Variants in ENOX1 observed in about 807,000 individuals in gnomAD.
The protein encoded by ENOX1 is candidate growth-related and time keeping constitutive hydroquinone (NADH) oxidase.
In ENOX1, 42 loss-of-function variants were observed where a neutral mutation model predicts 82.5. The observed-to-expected ratio is 0.51, with a 90% confidence interval of 0.40 to 0.66. ENOX1 has a LOEUF of 0.66. Ranked by LOEUF, ENOX1 falls within the 30% of genes least tolerant of loss-of-function variation. The probability of loss-of-function intolerance (pLI) is 0.00; values close to 1 mark genes in which losing one functional copy is unlikely to be tolerated. For missense variants in ENOX1, 608 were observed against 811.6 expected (o/e 0.75, Z 3.05); for synonymous variants, 271 against 282.2 (o/e 0.96, Z 0.40).
chr13:43,525,622 C>T (rs1231642111), intron 2 of ENOX1, among the ~76,000 whole-genome samples: 1 of 152,086 alleles, frequency 6.6e-6, no homozygotes, highest in Non-Finnish European at 1.5e-5. Flanking sequence ...GTTCCAATTT[C>T]TGTACATCCT....
At chr13:43,505,186 A>T (rs900557688) in intron 2 of ENOX1, among the ~76,000 whole-genome samples, 7 of 151,940 alleles carry the variant, frequency 4.6e-5, no homozygotes, top group African/African-American at 1.7e-4. Flanking sequence ...GGATCACATC[A>T]ACTTATTCCA....
intron 11 of ENOX1, among the ~76,000 whole-genome samples, chr13:43,309,779 T>C (rs982573881): frequency 6.6e-6 from 1 of 152,176 alleles, no homozygotes; most frequent in Non-Finnish European, 1.5e-5. Flanking sequence ...CCTCTATATA[T>C]TGAGCATGAT....
intron 5 of ENOX1, among the ~76,000 whole-genome samples, chr13:43,410,619 C>G (rs961641376): frequency 1.9e-5 from 2 of 104,292 alleles, no homozygotes; most frequent in Non-Finnish European, 4.3e-5. Flanking sequence ...TACACATACA[C>G]ACATGTACAC....
chr13:43,361,467 A>C lies in ENOX1; in HGVS notation c.209-15T>G. The C allele has an allele frequency of 6.3e-7, 1 of 1,586,908 alleles. No individual in the cohort carries two copies. The highest frequency in any genetic ancestry group is 8.5e-7 in the Non-Finnish European group (1 of 1,173,002). ...ACAGATTGAGTCTGTAAAGTATACA[A>C]GATAACATTTTGACTGGAGATTAAA... On this transcript the variant is annotated splice_polypyrimidine_tract_variant and intron_variant, in intron 5 of 16. Coordinates refer to ENST00000690772, the MANE Select transcript of ENOX1 (RefSeq NM_001347969.2).
chr13:43,568,670 G>A (rs896875383), intron 2 of ENOX1, among the ~76,000 whole-genome samples: 8 of 134,772 alleles, frequency 5.9e-5, no homozygotes, highest in Admixed American at 1.7e-4. Context: ...TATCTAGAGC[G>A]GGTCCTACAA....
intron 3 of ENOX1, among the ~76,000 whole-genome samples, chr13:43,434,123 C>T (rs972600805): frequency 4.6e-5 from 7 of 152,190 alleles, no homozygotes; most frequent in Non-Finnish European, 8.8e-5. Context: ...TTCATGCCTC[C>T]TTTACTTACC....
chr13:43,616,138 C>CTATATA (rs1364614503), intron 2 of ENOX1, among the ~76,000 whole-genome samples: 11 of 21,628 alleles, frequency 5.1e-4, no homozygotes, highest in African/African-American at 5.9e-4. Flanking sequence ...ATCTATCTAT[C>CTATATA]TAGATATCTA....
intron 1 of ENOX1, among the ~76,000 whole-genome samples, chr13:43,671,552 A>G (rs1442915748): frequency 6.6e-6 from 1 of 152,176 alleles, no homozygotes; most frequent in African/African-American, 2.4e-5. Context: ...ATACCCCATT[A>G]TTACTGAAGG....
intron 3 of ENOX1, among the ~76,000 whole-genome samples, chr13:43,443,091 T>C (rs748702018): frequency 4.6e-5 from 7 of 152,204 alleles, no homozygotes; most frequent in Non-Finnish European, 1.0e-4. Flanking sequence ...TTTATATAAA[T>C]ATTATTCACT....
chr13:43,569,804 C>A (rs1437436502), intron 2 of ENOX1, among the ~76,000 whole-genome samples: 1 of 152,186 alleles, frequency 6.6e-6, no homozygotes, highest in Non-Finnish European at 1.5e-5. Context: ...CTTCTCTTCA[C>A]TGGTGTTTTT....
intron 1 of ENOX1, among the ~76,000 whole-genome samples, chr13:43,698,118 G>T (rs926121325): frequency 6.6e-6 from 1 of 152,104 alleles, no homozygotes; most frequent in Admixed American, 6.5e-5. Flanking sequence ...AAATGAAGGA[G>T]TGGACTCAAA....
At chr13:43,394,698 G>T in intron 5 of ENOX1, 1 of 153,406 alleles carries the variant, frequency 6.5e-6, no homozygotes, top group Admixed American at 6.5e-5. Context: ...ACATGCCATG[G>T]AGCTGCCACA....
At chr13:43,688,203 G>A (rs1418643215) in intron 1 of ENOX1, among the ~76,000 whole-genome samples, 1 of 151,868 alleles carries the variant, frequency 6.6e-6, no homozygotes, top group African/African-American at 2.4e-5. Flanking sequence ...TTAACGGGAG[G>A]TTAACTGCAA....
chr13:43,580,040 C>G (rs1256956815), intron 2 of ENOX1, among the ~76,000 whole-genome samples: 4 of 152,016 alleles, frequency 2.6e-5, no homozygotes, highest in African/African-American at 9.7e-5. Context: ...GTAATCATGC[C>G]TTTTTAAAAA....
At chr13:43,420,182 T>G (rs2054891213) in intron 3 of ENOX1, among the ~76,000 whole-genome samples, 1 of 152,222 alleles carries the variant, frequency 6.6e-6, no homozygotes, top group South Asian at 2.1e-4. Flanking sequence ...CTCGAGGTTA[T>G]GGAAATGTTC....
chr13:43,392,750 G>C (rs1266847745), intron 5 of ENOX1, among the ~76,000 whole-genome samples: 1 of 152,000 alleles, frequency 6.6e-6, no homozygotes, highest in African/African-American at 2.4e-5. Flanking sequence ...TAAAATTTTA[G>C]TTTCAATATT....
intron 1 of ENOX1, among the ~76,000 whole-genome samples, chr13:43,765,349 C>A (rs1344425547): frequency 6.6e-6 from 1 of 152,126 alleles, no homozygotes. Context: ...AACATCCCAC[C>A]CACTTAATAC....
chr13:43,554,442 G>A (rs1305188919), intron 2 of ENOX1, among the ~76,000 whole-genome samples: 1 of 152,108 alleles, frequency 6.6e-6, no homozygotes, highest in Non-Finnish European at 1.5e-5. Flanking sequence ...AAGTACTTGG[G>A]CATTCATTAT....
intron 2 of ENOX1, among the ~76,000 whole-genome samples, chr13:43,614,581 C>A (rs1484795343): frequency 1.6e-5 from 2 of 127,330 alleles, no homozygotes; most frequent in Admixed American, 1.9e-4. Context: ...CTTGTGTTCT[C>A]ACTTTCTCTG....
Sources: allele counts gnomAD v4.1 joint callset (sites outside exome capture counted in the v4.1 genomes callset), GRCh38; gene constraint gnomAD v4.1.1; transcripts MANE v1.5; gene names NCBI Gene and HGNC (gene_info 2026-07-23, HGNC 2026-07-21).